The following ABCB1 variants were observed in gnomAD, a reference collection of about 807,000 sequenced individuals.
ABCB1 encodes the protein ATP-dependent translocase ABCB1.
ABCB1 carries 69 observed loss-of-function variants against 142.0 expected under a neutral mutation model. That is an observed-to-expected ratio of 0.49 (90% CI 0.40 to 0.59). The LOEUF (loss-of-function observed/expected upper bound fraction) is 0.59. Ranked by LOEUF, ABCB1 falls within the 20% of genes least tolerant of loss-of-function variation. ABCB1 has a pLI of 0.00. For synonymous variants in ABCB1, 532 were observed against 539.2 expected (o/e 0.99, Z 0.18); for missense variants, 1,326 against 1,554.7 (o/e 0.85, Z 2.47).
chr7:87,692,374 T>C (rs1212707655), intron 1 of ABCB1, among the ~76,000 whole-genome samples: 1 of 152,174 alleles, frequency 6.6e-6, no homozygotes, highest in East Asian at 1.9e-4. Context: ...GGAGGATCGC[T>C]TGAGTCCAAG....
intron 1 of ABCB1, among the ~76,000 whole-genome samples, chr7:87,702,157 A>AAAAC (rs1829128305): frequency 6.7e-6 from 1 of 149,874 alleles, no homozygotes; most frequent in Non-Finnish European, 1.5e-5. Context: ...AAAAAAAAAA[A>AAAAC]AAAAAAAAAA....
chr7:87,579,881 G>T (rs974212537), intron 4 of ABCB1, among the ~76,000 whole-genome samples: 1 of 152,092 alleles, frequency 6.6e-6, no homozygotes, highest in Non-Finnish European at 1.5e-5. Flanking sequence ...TTTTTAAACT[G>T]ATGGCAACTT....
intron 1 of ABCB1, among the ~76,000 whole-genome samples, chr7:87,684,155 A>G (rs926698532): frequency 6.6e-6 from 1 of 152,238 alleles, no homozygotes; most frequent in African/African-American, 2.4e-5. Context: ...AAGGGCATCT[A>G]CAGAAGTTTA....
At chr7:87,621,493 C>G (rs1442278382) in intron 1 of ABCB1, among the ~76,000 whole-genome samples, 2 of 151,980 alleles carry the variant, frequency 1.3e-5, no homozygotes, top group Admixed American at 6.6e-5. Context: ...ACAAAGATAA[C>G]TCTATAAATA....
At chr7:87,541,605 C>T (rs1816540853) in intron 17 of ABCB1, 141 bp from the exon 18 acceptor site, 3 of 701,662 alleles carry the variant, frequency 4.3e-6, no homozygotes, top group Non-Finnish European at 7.7e-6. Flanking sequence ...TTCCTATTGC[C>T]AGCCTTAAAG....
intron 4 of ABCB1, among the ~76,000 whole-genome samples, chr7:87,578,460 T>C (rs1818363436): frequency 6.6e-6 from 1 of 152,214 alleles, no homozygotes; most frequent in Non-Finnish European, 1.5e-5. Context: ...AGAATGTCAC[T>C]GGTATTTTGA....
chr7:87,518,714 C>T (rs1208533773), intron 23 of ABCB1, among the ~76,000 whole-genome samples: 1 of 152,224 alleles, frequency 6.6e-6, no homozygotes, highest in Non-Finnish European at 1.5e-5. Flanking sequence ...AGAAAGATTA[C>T]ACATACTTTT....
chr7:87,618,894 G>A (rs1416688680), intron 1 of ABCB1, among the ~76,000 whole-genome samples: 2 of 152,126 alleles, frequency 1.3e-5, no homozygotes, highest in African/African-American at 4.8e-5. Flanking sequence ...AAGCCAGCCG[G>A]AAATCAGGGA....
At chr7:87,559,113 T>C (rs562069065) in intron 8 of ABCB1, among the ~76,000 whole-genome samples, 4 of 152,236 alleles carry the variant, frequency 2.6e-5, no homozygotes, top group East Asian at 1.9e-4. Flanking sequence ...ACTTTTTTTT[T>C]CCATTTTCTA....
chr7:87,563,454 AG>A (rs775403948), intron 7 of ABCB1: 13 of 444,796 alleles, frequency 2.9e-5, no homozygotes, highest in Non-Finnish European at 5.9e-5. Context: ...CACATCAAAA[AG>A]CTTATCTACC....
intron 27 of ABCB1, among the ~76,000 whole-genome samples, chr7:87,505,002 T>C (rs914164044): frequency 2.0e-5 from 3 of 152,082 alleles, no homozygotes; most frequent in African/African-American, 7.2e-5. Context: ...CCTCACTCTG[T>C]CACCAGGGTG....
In ABCB1 at chr7:87,648,177, T is replaced by A. The variant is rs181360343; in HGVS notation, c.-330-47099A>T. ...TCCAGCCTGGGTGACAGAGCGAGAC[T>A]CTGTCTCAAAAAAAAAAAAAAAAAG... On this transcript the variant is annotated intron_variant, in intron 1 of 28. Transcript: ENST00000265724. 2.6e-3 allele frequency among the ~76,000 whole-genome samples: 371 copies of A among 140,764 alleles called. 1 individual carries two copies. The highest frequency in any genetic ancestry group is 4.3e-3 in the Non-Finnish European group (282 of 65,982). The allele number at this position is 140,764 out of a possible 152,430, so 92.3% of individuals were successfully genotyped here.
intron 1 of ABCB1, among the ~76,000 whole-genome samples, chr7:87,607,373 C>G (rs1819693272): frequency 6.6e-6 from 1 of 152,122 alleles, no homozygotes; most frequent in South Asian, 2.1e-4. Context: ...GAAATCTTGT[C>G]TCTATTTTTA....
chr7:87,628,584 C>CGTGTGTGTGTGTGTGTGTGTGT (rs71117546), intron 1 of ABCB1: 1 of 278,404 alleles, frequency 3.6e-6, no homozygotes, highest in East Asian at 5.8e-5. Flanking sequence ...TGCGTGCGTG[C>CGTGTGTGTGTGTGTGTGTGTGT]GTGTGTGTGT....
At chr7:87,634,494 TGG>T (rs58092989) in intron 1 of ABCB1, among the ~76,000 whole-genome samples, 2,445 of 73,246 alleles carry the variant, frequency 0.033, 39 homozygotes, top group African/African-American at 0.069. Context: ...TGGTGGGGGG[TGG>T]GGGGGGGGGC....
At chr7:87,633,692 C>G (rs541759011) in intron 1 of ABCB1, among the ~76,000 whole-genome samples, 1 of 151,746 alleles carries the variant, frequency 6.6e-6, no homozygotes, top group Non-Finnish European at 1.5e-5. Flanking sequence ...AAAAAGCACC[C>G]AGAGGCCTGA....
chr7:87,614,380 C>T (rs530115934), intron 1 of ABCB1, among the ~76,000 whole-genome samples: 16 of 148,254 alleles, frequency 1.1e-4, no homozygotes, highest in Admixed American at 2.0e-4. Context: ...AGCAACAGAG[C>T]AAGACTCTAT....
intron 1 of ABCB1, among the ~76,000 whole-genome samples, chr7:87,672,215 C>T (rs1258896189): frequency 6.6e-6 from 1 of 152,180 alleles, no homozygotes. Flanking sequence ...GGAGGTTCCA[C>T]CCATAGGAGG....
intron 1 of ABCB1, among the ~76,000 whole-genome samples, chr7:87,687,226 T>G (rs193214316): frequency 1.5e-3 from 235 of 152,278 alleles, no homozygotes; most frequent in Non-Finnish European, 2.7e-3. Flanking sequence ...TTATCAGTCT[T>G]TTGATTTTTC....
Sources: gnomAD v4.1 joint callset for allele counts (sites outside exome capture counted in the v4.1 genomes callset) on GRCh38, gnomAD v4.1.1 for gene constraint, MANE v1.5 for transcripts, NCBI Gene and HGNC (gene_info 2026-07-23, HGNC 2026-07-21) for gene names.